BBS9: variants seen among roughly 807,000 people sequenced by gnomAD.
BBS9 encodes the protein protein PTHB1.
Under a neutral mutation model 117.7 loss-of-function variants are expected in BBS9, and 89 were observed. That is an observed-to-expected ratio of 0.76 (90% CI 0.64 to 0.90). The LOEUF (loss-of-function observed/expected upper bound fraction) is 0.90. Among genes scored for constraint, BBS9 ranks in the 40% least tolerant of loss-of-function variants. The pLI is 0.00. For synonymous variants in BBS9, 379 were observed against 370.9 expected, an observed-to-expected ratio of 1.02 and a Z score of -0.25; for missense variants, 982 against 1,042.2, an observed-to-expected ratio of 0.94 and a Z score of 0.80.
intron 20 of BBS9, among the ~76,000 whole-genome samples, chr7:33,514,251 C>T (rs1300696524): frequency 6.6e-6 from 1 of 152,204 alleles, no homozygotes; most frequent in Non-Finnish European, 1.5e-5. Context: ...TCCCCAAGGA[C>T]TGGTTCTGCT....
At chr7:33,406,434 A>C (rs1046368692) in intron 19 of BBS9, among the ~76,000 whole-genome samples, 2 of 151,946 alleles carry the variant, frequency 1.3e-5, no homozygotes, top group Non-Finnish European at 2.9e-5. Flanking sequence ...GTCCATTTAC[A>C]TTTAAAGTTA....
Position 33,359,371 on chromosome 7 carries a change from T to C in BBS9, c.1693+1376T>C, listed in dbSNP as rs6969800. Among the ~76,000 whole-genome samples the C allele has an allele frequency of 5.0e-3, 766 of 152,090 alleles. 10 individuals are homozygous for C. Among genetic ancestry groups the C allele is most frequent in the African/African-American group, 0.017 (723 of 41,538 alleles). On this transcript the variant is annotated intron_variant, in intron 16 of 22. Transcript: ENST00000242067. ...CATGCCTTTGAGCAGAAAGGTAAAG[T>C]CCATAAGATACGAATTGTATAGTGT...
intron 10 of BBS9, among the ~76,000 whole-genome samples, chr7:33,340,232 T>G (rs1004989800): frequency 6.6e-6 from 1 of 152,110 alleles, no homozygotes; most frequent in Non-Finnish European, 1.5e-5. Context: ...AAAATATTCA[T>G]GTTTATGTAA....
chr7:33,457,762 G>C (rs984864166), intron 19 of BBS9, among the ~76,000 whole-genome samples: 21 of 152,242 alleles, frequency 1.4e-4, no homozygotes, highest in African/African-American at 4.8e-4. Context: ...AATTGTGTCT[G>C]AAAAGAGTGT....
intron 21 of BBS9, among the ~76,000 whole-genome samples, chr7:33,539,198 GGGTAGT>G (rs1851898521): frequency 6.6e-6 from 1 of 152,148 alleles, no homozygotes. Flanking sequence ...GGAATTGATG[GGGTAGT>G]GGGTAGCTGA....
At chr7:33,608,699 G>C (rs1459932897), downstream of BBS9, among the ~76,000 whole-genome samples, 2 of 151,980 alleles carry the variant, frequency 1.3e-5, no homozygotes, top group African/African-American at 4.8e-5. Flanking sequence ...ATTTTTAAAT[G>C]GGATTATTTG....
intron 4 of BBS9, among the ~76,000 whole-genome samples, chr7:33,156,875 GTC>G (rs1355047803): frequency 3.3e-5 from 5 of 151,932 alleles, no homozygotes; most frequent in Non-Finnish European, 5.9e-5. Flanking sequence ...TCCTCCTAGT[GTC>G]AGGGCATTTA....
At chr7:33,303,089 A>G (rs1040559262) in intron 9 of BBS9, among the ~76,000 whole-genome samples, 1 of 152,140 alleles carries the variant, frequency 6.6e-6, no homozygotes, top group Non-Finnish European at 1.5e-5. Flanking sequence ...GCATATATAA[A>G]TGCTACTGAT....
intron 19 of BBS9, among the ~76,000 whole-genome samples, chr7:33,490,341 T>C (rs1489232262): frequency 6.7e-6 from 1 of 149,342 alleles, no homozygotes; most frequent in Non-Finnish European, 1.5e-5. Flanking sequence ...CTTTTTTGTT[T>C]TTTTCTGCCT....
intron 12 of BBS9, 22 bp from the exon 13 acceptor site, chr7:33,349,046 A>T: frequency 1.3e-6 from 2 of 1,489,482 alleles, no homozygotes; most frequent in Non-Finnish European, 1.9e-6. Context: ...TTTTCTATTG[A>T]TAACAATTTC....
intron 21 of BBS9, among the ~76,000 whole-genome samples, chr7:33,614,747 T>C (rs1007683235): frequency 1.3e-5 from 2 of 152,188 alleles, no homozygotes; most frequent in East Asian, 1.9e-4. Context: ...CTCCACACTT[T>C]CATGAGTTTT....
intron 19 of BBS9, among the ~76,000 whole-genome samples, chr7:33,420,950 TC>T (rs1832772462): frequency 6.6e-6 from 1 of 152,168 alleles, no homozygotes; most frequent in South Asian, 2.1e-4. Flanking sequence ...TTCCATTGCA[TC>T]CGTATCATCG....
At chr7:33,631,964 G>T (rs772603591) in intron 21 of BBS9, among the ~76,000 whole-genome samples, 4 of 152,142 alleles carry the variant, frequency 2.6e-5, no homozygotes, top group Non-Finnish European at 5.9e-5. Flanking sequence ...TGCGTAGAAT[G>T]GAATAAATTC....
At chr7:33,355,211 C>T (rs561227868) in intron 15 of BBS9, among the ~76,000 whole-genome samples, 75 of 152,024 alleles carry the variant, frequency 4.9e-4, no homozygotes, top group Admixed American at 8.5e-4. Flanking sequence ...CCCACACATG[C>T]CTCTATGAGT....
intron 5 of BBS9, chr7:33,243,059 A>G (rs577745925): frequency 5.9e-6 from 3 of 504,338 alleles, no homozygotes; most frequent in Admixed American, 2.0e-5. Flanking sequence ...CTAATAATGT[A>G]TGGACCACGT....
At position 33,447,425 on chromosome 7, in the gene BBS9, CAAAT is replaced by C. The variant is rs540686760; in HGVS notation, c.2116-58035_2116-58032del. ...CAGTACTTAATACATTAAGTAATAA[CAAAT>C]AATCAGCCTTTTTAGGAGTCATGGC... On this transcript the variant is annotated intron_variant, in intron 19 of 22. Coordinates refer to ENST00000242067, the MANE Select transcript of BBS9 (RefSeq NM_198428.3). Among the ~76,000 whole-genome samples the C allele has an allele frequency of 3.3e-3, 498 of 152,270 alleles. 2 individuals carry two copies. Among genetic ancestry groups the C allele is most frequent in the African/African-American group, 0.012 (479 of 41,560 alleles).
At chr7:33,367,386 A>G (rs1821980598) in intron 16 of BBS9, among the ~76,000 whole-genome samples, 1 of 152,026 alleles carries the variant, frequency 6.6e-6, no homozygotes, top group Non-Finnish European at 1.5e-5. Context: ...ATACTCTAAT[A>G]TTTTTATCTC....
chr7:33,453,992 C>A (rs73317008), intron 19 of BBS9, among the ~76,000 whole-genome samples: 13,785 of 152,062 alleles, frequency 0.091, 662 homozygotes, highest in South Asian at 0.14. Context: ...GACTGCATGG[C>A]GGGGTGTGGG....
intron 19 of BBS9, among the ~76,000 whole-genome samples, chr7:33,491,130 G>A (rs1182934269): frequency 1.3e-5 from 2 of 152,158 alleles, no homozygotes; most frequent in Non-Finnish European, 1.5e-5. Context: ...GCCCCACAAG[G>A]GGTAGCCAGG....
Sources: allele counts gnomAD v4.1 joint callset (sites outside exome capture counted in the v4.1 genomes callset), GRCh38; gene constraint gnomAD v4.1.1; transcripts MANE v1.5; gene names NCBI Gene and HGNC (gene_info 2026-07-23, HGNC 2026-07-21).